Variants in PRKG1 observed in about 807,000 individuals in gnomAD.
The protein encoded by PRKG1 is protein kinase cGMP-dependent 1.
PRKG1 carries 35 observed loss-of-function variants against 88.1 expected under a neutral mutation model. The ratio of observed to expected loss-of-function variants is 0.40; its 90% CI spans 0.30 to 0.53. The LOEUF (loss-of-function observed/expected upper bound fraction) is 0.53. PRKG1 is among the 20% of genes least tolerant of loss of function. PRKG1 has a pLI of 0.59. For missense variants in PRKG1, 540 were observed against 839.8 expected (o/e 0.64, Z 4.41); for synonymous variants, 303 against 292.5 (o/e 1.04, Z -0.37).
intron 4 of PRKG1, among the ~76,000 whole-genome samples, chr10:51,853,398 C>T (rs890436611): frequency 2.2e-4 from 34 of 152,072 alleles, no homozygotes; most frequent in Non-Finnish European, 3.7e-4. Context: ...TGTGGTTAGA[C>T]TGCAGGAATA....
intron 1 of PRKG1, among the ~76,000 whole-genome samples, chr10:51,113,218 G>C (rs1365317947): frequency 2.0e-5 from 3 of 152,218 alleles, no homozygotes; most frequent in Non-Finnish European, 4.4e-5. Flanking sequence ...GAGGTTCAGA[G>C]AAGTTAAGTG....
In PRKG1 at chr10:52,268,307, C is replaced by T. The variant is rs181367522; in HGVS notation, c.1174-3043C>T. On this transcript the variant is annotated intron_variant, in intron 10 of 17. Coordinates refer to ENST00000373980, the MANE Select transcript of PRKG1 (RefSeq NM_006258.4). The stretch of plus-strand genomic sequence containing the variant: ...TTAAATTGGCAACTAGTAAGCCTGA[C>T]TCCCAAGAATTTCTGTTGCTTTCTG... Among the ~76,000 whole-genome samples the T allele has an allele frequency of 4.6e-5, 7 of 152,192 alleles. No homozygotes were observed. The East Asian group carries it at 1.4e-3, about 29-fold the overall frequency.
intron 3 of PRKG1, among the ~76,000 whole-genome samples, chr10:51,668,258 A>C (rs1840471535): frequency 1.3e-5 from 2 of 152,210 alleles, no homozygotes; most frequent in African/African-American, 4.8e-5. Context: ...GCTGAATTGA[A>C]AACCACGTAT....
intron 5 of PRKG1, among the ~76,000 whole-genome samples, chr10:51,989,180 A>G (rs984509965): frequency 6.6e-6 from 1 of 152,116 alleles, no homozygotes; most frequent in Non-Finnish European, 1.5e-5. Flanking sequence ...ATCACAGTTA[A>G]GTTGAATCAT....
intron 5 of PRKG1, among the ~76,000 whole-genome samples, chr10:51,925,824 T>C (rs1842562171): frequency 6.6e-6 from 1 of 152,176 alleles, no homozygotes; most frequent in Non-Finnish European, 1.5e-5. Flanking sequence ...ACTTTATTTT[T>C]CTTATGAAGC....
chr10:51,880,183 G>A (rs1029053277), intron 4 of PRKG1, among the ~76,000 whole-genome samples: 10 of 151,582 alleles, frequency 6.6e-5, no homozygotes, highest in African/African-American at 2.4e-4. Context: ...ATTTTACAAA[G>A]TATTTTAGTC....
chr10:52,105,909 G>A (rs1219455385), intron 7 of PRKG1, among the ~76,000 whole-genome samples: 3 of 151,650 alleles, frequency 2.0e-5, no homozygotes, highest in Non-Finnish European at 4.4e-5. Flanking sequence ...AGATTTTGGT[G>A]CACCCATCAC....
chr10:52,157,314 T>TAG (rs1564494156), intron 8 of PRKG1, among the ~76,000 whole-genome samples: 1 of 43,550 alleles, frequency 2.3e-5, no homozygotes, highest in Non-Finnish European at 4.8e-5. Flanking sequence ...TTGATATATA[T>TAG]ATATATATAT....
chr10:51,914,381 A>G (rs1330677654), intron 5 of PRKG1, among the ~76,000 whole-genome samples: 2 of 152,176 alleles, frequency 1.3e-5, no homozygotes, highest in South Asian at 2.1e-4. Flanking sequence ...TTATACATTC[A>G]CAAATGGGGG....
chr10:52,181,419 C>CTTTTTTTTTTTTTTTTTTT (rs761799361), intron 9 of PRKG1, among the ~76,000 whole-genome samples: 1 of 55,068 alleles, frequency 1.8e-5, no homozygotes, highest in Admixed American at 2.1e-4. Flanking sequence ...CACAGCTCTT[C>CTTTTTTTTTTTTTTTTTTT]TTTTTTTTTT....
rs376873888 is a variant in PRKG1, at chr10:51,930,478, G to A, written c.762+22908G>A. Reference sequence around the variant, plus strand: ...TGTAGATCTTTTTTTAATTTTAAAAGAACCTTTTTTTTTCCTCTTTTTTTT... The same window carrying A: ...TGTAGATCTTTTTTTAATTTTAAAAAAACCTTTTTTTTTCCTCTTTTTTTT... On this transcript the variant is annotated intron_variant, in intron 5 of 17. Coordinates refer to ENST00000373980, the MANE Select transcript of PRKG1 (RefSeq NM_006258.4). Among the ~76,000 whole-genome samples the A allele has an allele frequency of 5.3e-3, 750 of 141,468 alleles. 8 individuals carry two copies. The highest frequency in any genetic ancestry group is 0.018 in the African/African-American group (703 of 38,318). The allele number at this position is 141,468 out of a possible 152,430, so 92.8% of individuals were successfully genotyped here.
At chr10:51,727,304 T>C (rs1000452768) in intron 3 of PRKG1, among the ~76,000 whole-genome samples, 19 of 149,826 alleles carry the variant, frequency 1.3e-4, no homozygotes, top group African/African-American at 4.4e-4. Context: ...ATATATATTT[T>C]TTTTACTTTT....
chr10:51,076,831 T>G lies in PRKG1; in HGVS notation c.311+1930T>G, dbSNP rs1359800661. Among the ~76,000 whole-genome samples the G allele has an allele frequency of 2.6e-5, 4 of 152,322 alleles. 1 individual carries two copies. In the Middle Eastern group the frequency reaches 0.01, roughly 389 times the overall value. On this transcript the variant is annotated intron_variant, in intron 1 of 17. Transcript: ENST00000373980. ...TATAATAACATTTTATCTATCATTA[T>G]AATAACATTTTATCTATCAAACAAC...
chr10:51,473,043 C>T (rs1000392059), intron 3 of PRKG1, among the ~76,000 whole-genome samples: 1 of 151,880 alleles, frequency 6.6e-6, no homozygotes, highest in Non-Finnish European at 1.5e-5. Flanking sequence ...GACAATGAAG[C>T]AAACATAGTA....
chr10:51,094,768 G>A (rs981051057), intron 1 of PRKG1, among the ~76,000 whole-genome samples: 1 of 152,126 alleles, frequency 6.6e-6, no homozygotes, highest in East Asian at 1.9e-4. Flanking sequence ...TTCTGCAAAC[G>A]TACAAAGCTT....
intron 7 of PRKG1, among the ~76,000 whole-genome samples, chr10:52,098,548 C>T (rs748492713): frequency 2.0e-5 from 3 of 152,132 alleles, no homozygotes; most frequent in African/African-American, 7.2e-5. Context: ...CGGTGGCTCA[C>T]GCCTGTAATC....
At chr10:51,164,654 A>T (rs1040666151) in intron 2 of PRKG1, among the ~76,000 whole-genome samples, 3 of 152,130 alleles carry the variant, frequency 2.0e-5, no homozygotes, top group African/African-American at 7.2e-5. Flanking sequence ...CTTTGAAAAA[A>T]ATTTAGACGA....
chr10:52,027,975 C>T (rs866361839), intron 5 of PRKG1, among the ~76,000 whole-genome samples: 15 of 151,982 alleles, frequency 9.9e-5, no homozygotes, highest in African/African-American at 2.4e-4. Flanking sequence ...TTTCAGTAGA[C>T]GTGGGGTTTC....
chr10:51,580,815 A>C (rs1214718053), intron 3 of PRKG1, among the ~76,000 whole-genome samples: 1 of 152,138 alleles, frequency 6.6e-6, no homozygotes, highest in Admixed American at 6.6e-5. Context: ...TTTTAGAGAG[A>C]TCTGTCAATT....
Sources: allele counts gnomAD v4.1 joint callset (sites outside exome capture counted in the v4.1 genomes callset), GRCh38; gene constraint gnomAD v4.1.1; transcripts MANE v1.5; gene names NCBI Gene and HGNC (gene_info 2026-07-23, HGNC 2026-07-21).